DSCAM: variants seen among roughly 807,000 people sequenced by gnomAD.
DSCAM encodes the protein cell adhesion molecule DSCAM.
Under a neutral mutation model 217.7 loss-of-function variants are expected in DSCAM, and 47 were observed. The observed-to-expected ratio is 0.22, with a 90% CI of 0.17 to 0.28. DSCAM has a LOEUF of 0.28. Ranked by LOEUF, DSCAM falls within the 10% of genes least tolerant of loss-of-function variation. The pLI is 1.00. For synonymous variants in DSCAM, 1,056 were observed against 1,015.3 expected (o/e 1.04, Z -0.76); for missense variants, 2,080 against 2,618.3 (o/e 0.79, Z 4.49).
intron 3 of DSCAM, among the ~76,000 whole-genome samples, chr21:40,415,934 CTAT>C (rs2075367322): frequency 1.3e-5 from 2 of 152,154 alleles, no homozygotes; most frequent in Admixed American, 6.5e-5. Context: ...CTCAGATTTT[CTAT>C]TTTTAGGCAG....
At chr21:40,840,000 C>A (rs2092087156) in intron 1 of DSCAM, among the ~76,000 whole-genome samples, 8 of 152,102 alleles carry the variant, frequency 5.3e-5, no homozygotes, top group Admixed American at 5.2e-4. Flanking sequence ...GCTTCAAGAT[C>A]AAAAATTAAT....
At chr21:40,572,895 A>T (rs921479906) in intron 3 of DSCAM, among the ~76,000 whole-genome samples, 3 of 152,218 alleles carry the variant, frequency 2.0e-5, no homozygotes, top group African/African-American at 7.2e-5. Context: ...AATACTGTCA[A>T]CAAAATTTAC....
intron 3 of DSCAM, among the ~76,000 whole-genome samples, chr21:40,617,938 G>A (rs1182819475): frequency 1.3e-5 from 2 of 152,204 alleles, no homozygotes; most frequent in Non-Finnish European, 2.9e-5. Context: ...GCAAAACACC[G>A]GCACCCACCC....
rs1474118754 is a variant in DSCAM at position 40,281,477 on chromosome 21, T to C, written c.2183-5207A>G. Among the ~76,000 whole-genome samples, 9 of 152,290 alleles carry C rather than the reference T, an allele frequency of 5.9e-5. No homozygotes were observed. In the South Asian group the frequency reaches 1.2e-3, roughly 21 times the overall value. ...ATCAGTGGAGAGAAATATATATATA[T>C]AGCGGTAGGCAATCTGTATGCTTAA... On this transcript the variant is annotated intron_variant, in intron 10 of 32. Coordinates refer to ENST00000400454, the MANE Select transcript of DSCAM (RefSeq NM_001389.5).
chr21:40,556,723 C>A (rs2076674929), intron 3 of DSCAM, among the ~76,000 whole-genome samples: 2 of 152,088 alleles, frequency 1.3e-5, no homozygotes, highest in Non-Finnish European at 2.9e-5. Flanking sequence ...AGAGTGAGAA[C>A]TCACTCACCC....
intron 1 of DSCAM, among the ~76,000 whole-genome samples, chr21:40,801,484 A>G (rs2091739982): frequency 6.6e-6 from 1 of 152,132 alleles, no homozygotes; most frequent in South Asian, 2.1e-4. Flanking sequence ...ATAGCAGAAA[A>G]AAGAGATCCT....
intron 16 of DSCAM, among the ~76,000 whole-genome samples, chr21:40,165,537 C>T (rs977535956): frequency 2.6e-5 from 4 of 152,246 alleles, no homozygotes; most frequent in Admixed American, 1.3e-4. Context: ...CACAACATTT[C>T]ACCCTTTGGC....
At position 40,337,076 on chromosome 21, in the gene DSCAM, GT is replaced by G. The variant is rs2074436598; in HGVS notation, c.1783+1024del. Among the ~76,000 whole-genome samples the G allele has an allele frequency of 6.6e-5, 10 of 152,178 alleles. No homozygotes were observed. In the South Asian group the frequency reaches 2.1e-3, roughly 32 times the overall value. On this transcript the variant is annotated intron_variant, in intron 8 of 32. Transcript: ENST00000400454. ...TAATGTAATGCAATATATATGCCCCGTAATAATAGTATACACATATTATTAT... is the reference window on the plus strand; with the variant it reads ...TAATGTAATGCAATATATATGCCCCGAATAATAGTATACACATATTATTAT...
intron 11 of DSCAM, among the ~76,000 whole-genome samples, chr21:40,207,443 T>C (rs1349465094): frequency 1.3e-5 from 2 of 152,120 alleles, no homozygotes; most frequent in Non-Finnish European, 2.9e-5. Context: ...TGTAAAAATA[T>C]GTTGTGTGAG....
At chr21:40,623,422 T>TA (rs1045315442) in intron 3 of DSCAM, among the ~76,000 whole-genome samples, 14 of 152,172 alleles carry the variant, frequency 9.2e-5, no homozygotes, top group East Asian at 3.9e-4. Context: ...AAAAAGCAGC[T>TA]AAAAAAATCA....
chr21:40,442,669 G>C lies in DSCAM; in HGVS notation c.509-73424C>G, dbSNP rs183313367. ...TGAATAGCTGGGAGCACACCATCAC[G>C]CTCGGCAAATTTTTGTATTTTCAGT... is the stretch of plus-strand genomic sequence containing the variant. On this transcript the variant is annotated intron_variant, in intron 3 of 32. Coordinates refer to ENST00000400454, the MANE Select transcript of DSCAM (RefSeq NM_001389.5). Among the ~76,000 whole-genome samples, 44 of 151,812 alleles carry C rather than the reference G, an allele frequency of 2.9e-4. No homozygotes were observed. The South Asian group carries it at 6.2e-3, about 22-fold the overall frequency.
chr21:40,719,020 G>A (rs1235798779), intron 1 of DSCAM, among the ~76,000 whole-genome samples: 1 of 152,116 alleles, frequency 6.6e-6, no homozygotes, highest in Non-Finnish European at 1.5e-5. Context: ...GGAGGCAGGG[G>A]TAGGAGGATC....
intron 20 of DSCAM, among the ~76,000 whole-genome samples, chr21:40,104,469 C>A (rs1033282745): frequency 6.6e-6 from 1 of 152,160 alleles, no homozygotes; most frequent in African/African-American, 2.4e-5. Flanking sequence ...AAGCTGCAAT[C>A]TTCCAAAAGC....
intron 3 of DSCAM, among the ~76,000 whole-genome samples, chr21:40,668,866 C>T (rs2090235080): frequency 6.8e-6 from 1 of 147,026 alleles, no homozygotes; most frequent in Non-Finnish European, 1.5e-5. Context: ...ATAGTCCAGT[C>T]AAAAGATAGT....
intron 1 of DSCAM, among the ~76,000 whole-genome samples, chr21:40,732,506 A>G (rs2091023056): frequency 1.3e-5 from 2 of 152,236 alleles, no homozygotes; most frequent in Non-Finnish European, 2.9e-5. Context: ...CACTGATTCA[A>G]TAACTTCATC....
intron 3 of DSCAM, among the ~76,000 whole-genome samples, chr21:40,534,953 C>A (rs1360364801): frequency 4.6e-5 from 7 of 152,132 alleles, no homozygotes; most frequent in Non-Finnish European, 1.5e-5. Flanking sequence ...ATAGGGGGTT[C>A]CAGCTTGGGG....
At chr21:40,644,040 C>T (rs1330199460) in intron 3 of DSCAM, among the ~76,000 whole-genome samples, 1 of 152,212 alleles carries the variant, frequency 6.6e-6, no homozygotes, top group Non-Finnish European at 1.5e-5. Flanking sequence ...AAACTCCCAA[C>T]TTCCCAAGCC....
chr21:40,799,347 A>C (rs2091718877), intron 1 of DSCAM, among the ~76,000 whole-genome samples: 1 of 152,194 alleles, frequency 6.6e-6, no homozygotes, highest in African/African-American at 2.4e-5. Context: ...CCTATGCAGG[A>C]AAATCAATAA....
At chr21:40,303,382 C>T (rs1400123984) in intron 9 of DSCAM, among the ~76,000 whole-genome samples, 1 of 152,052 alleles carries the variant, frequency 6.6e-6, no homozygotes, top group Non-Finnish European at 1.5e-5. Context: ...CTACAATTCC[C>T]TGGGACGTAC....
Sources: gnomAD v4.1 joint callset for allele counts (sites outside exome capture counted in the v4.1 genomes callset) on GRCh38, gnomAD v4.1.1 for gene constraint, MANE v1.5 for transcripts, NCBI Gene and HGNC (gene_info 2026-07-23, HGNC 2026-07-21) for gene names.